Variants in ANKRD18B observed in about 807,000 individuals in gnomAD.
The protein encoded by ANKRD18B is ankyrin repeat domain 18B, also known as ankyrin repeat domain-containing protein 18B.
ANKRD18B carries 75 observed loss-of-function variants against 111.8 expected under a neutral mutation model. The observed-to-expected ratio is 0.67, with a 90% CI of 0.56 to 0.81. ANKRD18B has a LOEUF of 0.81. Ranked by LOEUF, ANKRD18B falls within the 40% of genes least tolerant of loss-of-function variation. The pLI, the probability that ANKRD18B is intolerant of heterozygous loss-of-function variation, is 0.00. For synonymous variants in ANKRD18B, 356 were observed against 417.3 expected, an observed-to-expected ratio of 0.85 and a Z score of 1.79; for missense variants, 1,038 against 1,225.5, an observed-to-expected ratio of 0.85 and a Z score of 2.28.
At chr9:33,533,161 A>G (rs1828141422) in intron 3 of ANKRD18B, among the ~76,000 whole-genome samples, 1 of 152,150 alleles carries the variant, frequency 6.6e-6, no homozygotes, top group Admixed American at 6.5e-5. Flanking sequence ...AAATAATTAC[A>G]ATGGACTGTG....
chr9:33,548,652 C>T lies in ANKRD18B; in HGVS notation c.1864C>T (p.Leu622Phe). 1 of 1,551,190 alleles carries T rather than the reference C, an allele frequency of 6.4e-7. No individual in the cohort carries two copies. Among genetic ancestry groups the T allele is most frequent in the Non-Finnish European group, 8.7e-7 (1 of 1,146,666 alleles). ...AGAGGAGAGAATACGTCAACGAGAA[C>T]TTGAAAATCTCTTGCTTGAACGACA... is the stretch of plus-strand genomic sequence containing the variant. Reference protein sequence around the residue: ...SSEERIRQRELENLLLERQLE... With the variant: ...SSEERIRQREFENLLLERQLE... The change falls in exon 11 of 19, where the codon CTT becomes TTT. Residue 622 changes from leucine (L) to phenylalanine (F), a missense_variant. Transcript: ENST00000684830.
chr9:33,565,843 A>G (rs1319022803), intron 14 of ANKRD18B, among the ~76,000 whole-genome samples: 2 of 152,188 alleles, frequency 1.3e-5, no homozygotes, highest in Non-Finnish European at 2.9e-5. Context: ...ATAACTCAAT[A>G]TGATATCTCT....
chr9:33,544,473 G>A (rs896371747), intron 10 of ANKRD18B, among the ~76,000 whole-genome samples: 1 of 152,144 alleles, frequency 6.6e-6, no homozygotes, highest in African/African-American at 2.4e-5. Flanking sequence ...GCAAAAAAAT[G>A]TCTCAAGAAC....
chr9:33,565,437 T>C (rs1828670704), intron 14 of ANKRD18B, among the ~76,000 whole-genome samples: 1 of 152,208 alleles, frequency 6.6e-6, no homozygotes, highest in Non-Finnish European at 1.5e-5. Context: ...GAAAGGCTTA[T>C]GGCATCAGAA....
intron 3 of ANKRD18B, among the ~76,000 whole-genome samples, chr9:33,530,651 G>A (rs1828100773): frequency 6.6e-6 from 1 of 152,060 alleles, no homozygotes; most frequent in South Asian, 2.1e-4. Context: ...AAAAGAGTTG[G>A]CATTTGATAG....
intron 5 of ANKRD18B, among the ~76,000 whole-genome samples, chr9:33,534,984 A>G (rs1220902191): frequency 2.6e-5 from 4 of 151,894 alleles, no homozygotes; most frequent in African/African-American, 9.7e-5. Flanking sequence ...TTTAGCAGAA[A>G]ATCTTGTATT....
At chr9:33,531,712 G>C (rs2117986163) in intron 3 of ANKRD18B, among the ~76,000 whole-genome samples, 1 of 151,128 alleles carries the variant, frequency 6.6e-6, no homozygotes, top group Non-Finnish European at 1.5e-5. Context: ...TTTCAAGACA[G>C]CATATATTGG....
rs746252733 is a variant in ANKRD18B, at chr9:33,548,314, A to T, written c.1526A>T (p.Glu509Val). ...TAINEYNEIL[E>V]RKDLELVLWR... Reference sequence around the variant, plus strand: ...ATAAATGAGTACAATGAAATTTTGGAAAGAAAAGACCTAGAACTAGTTTTA... The same window carrying T: ...ATAAATGAGTACAATGAAATTTTGGTAAGAAAAGACCTAGAACTAGTTTTA... Residue 509 changes from glutamate (E) to valine (V), a missense_variant, in exon 11 of 19, where the codon GAA becomes GTA. This residue lies in a region of ANKRD18B where 205 missense variants were observed against 201.3 expected (regional missense o/e 1.02). Coordinates refer to ENST00000684830, the MANE Select transcript of ANKRD18B (RefSeq NM_001393611.1). The T allele has an allele frequency of 1.9e-5, 29 of 1,549,648 alleles. No individual in the cohort carries two copies. The South Asian group carries it at 3.4e-4, about 18-fold the overall frequency.
rs1271057756 is a variant in ANKRD18B at position 33,524,573 on chromosome 9, C to A, written c.84C>A (p.Tyr28Ter). The A allele has an allele frequency of 1.3e-6, 2 of 1,551,492 alleles. No homozygotes were observed. The highest frequency in any genetic ancestry group is 2.4e-5 in the East Asian group (1 of 40,916). ...SMDQEYAGRG[Y>*]HIRDWELRKI... ...ACCAAGAGTATGCGGGTCGGGGGTA[C>A]CACATTCGGGACTGGGAACTGCGGA... Residue 28 changes from tyrosine (Y) to a stop codon, truncating the protein, a stop_gained, in exon 1 of 19, where the codon TAC becomes TAA. Transcript: ENST00000684830. LOFTEE classifies it high-confidence loss of function.
intron 10 of ANKRD18B, among the ~76,000 whole-genome samples, chr9:33,546,363 A>G (rs1047189582): frequency 6.6e-6 from 1 of 152,188 alleles, no homozygotes; most frequent in Admixed American, 6.6e-5. Flanking sequence ...ATACTTTCAC[A>G]TATTTAAGAA....
chr9:33,527,809 A>T (rs1163549257), intron 1 of ANKRD18B, among the ~76,000 whole-genome samples: 4 of 152,184 alleles, frequency 2.6e-5, no homozygotes, highest in African/African-American at 4.8e-5. Flanking sequence ...GGATTGTGTG[A>T]TATCCTACTA....
intron 5 of ANKRD18B, among the ~76,000 whole-genome samples, chr9:33,535,062 C>A (rs1008077173): frequency 6.6e-6 from 1 of 151,890 alleles, no homozygotes; most frequent in Non-Finnish European, 1.5e-5. Flanking sequence ...GTTCCCTAAG[C>A]CCAAGGAAGA....
Position 33,524,567 on chromosome 9 carries a change from G to T in ANKRD18B, c.78G>T (p.Arg26=). The T allele has an allele frequency of 3.2e-6, 5 of 1,551,498 alleles. No homozygotes were observed. Among genetic ancestry groups the T allele is most frequent in the Non-Finnish European group, 4.4e-6 (5 of 1,146,830 alleles). ...LSSMDQEYAG[R]GYHIRDWELR... is the part of the protein sequence containing the mutation. ...CCATGGACCAAGAGTATGCGGGTCGGGGGTACCACATTCGGGACTGGGAAC... is the reference window on the plus strand; with the variant it reads ...CCATGGACCAAGAGTATGCGGGTCGTGGGTACCACATTCGGGACTGGGAAC... Residue 26 remains arginine (R), a synonymous_variant, in exon 1 of 19, where the codon CGG becomes CGT. Coordinates refer to ENST00000684830, the MANE Select transcript of ANKRD18B (RefSeq NM_001393611.1).
rs780560837 is a variant in ANKRD18B at position 33,524,457 on chromosome 9, G to A, written c.-33G>A. ...GCCACGAGGAGCCGCGGCGTCTCAG[G>A]AGCGGGTGGTGGGCATCTGAGAAGT... On this transcript the variant is annotated 5_prime_UTR_variant, in exon 1 of 19. Transcript: ENST00000684830. 1.1e-4 allele frequency: 171 copies of A among 1,517,170 alleles called. No homozygotes were observed. The highest frequency in any genetic ancestry group is 2.2e-4 in the Admixed American group (10 of 45,306). 94.0% of individuals were successfully genotyped at this position (1,517,170 alleles called of 1,614,324 possible). A position where few individuals can be genotyped will look rare whatever the true frequency, so the allele number is the denominator to read the frequency against.
At chr9:33,574,898 T>TATA (rs1828838802), downstream of ANKRD18B, among the ~76,000 whole-genome samples, 1 of 152,140 alleles carries the variant, frequency 6.6e-6, no homozygotes, top group East Asian at 1.9e-4. Flanking sequence ...TGAGTCCCCA[T>TATA]CGCCTCTGTG....
At chr9:33,562,097 T>C (rs1214325418) in intron 14 of ANKRD18B, among the ~76,000 whole-genome samples, 2 of 152,202 alleles carry the variant, frequency 1.3e-5, no homozygotes, top group African/African-American at 2.4e-5. Context: ...CTTTCTTTTT[T>C]TCTCCATTTA....
intron 4 of ANKRD18B, chr9:33,533,881 TATC>T (rs369353255): frequency 0.056 from 5,244 of 93,734 alleles, 30 homozygotes; most frequent in African/African-American, 0.1. Context: ...CTATTACCAT[TATC>T]ATTATTATTA....
At chr9:33,537,161 A>G (rs1274011840) in intron 6 of ANKRD18B, among the ~76,000 whole-genome samples, 4 of 151,530 alleles carry the variant, frequency 2.6e-5, no homozygotes, top group African/African-American at 4.9e-5. Context: ...GCTGGGCATC[A>G]TGGTGGGCGC....
chr9:33,548,927 T>A (rs2118062153), intron 11 of ANKRD18B, 72 bp downstream of exon 11: 2 of 1,279,588 alleles, frequency 1.6e-6, no homozygotes, highest in East Asian at 5.3e-5. Context: ...ATGTTGAACG[T>A]AGTTCAATAT....
Sources: allele counts gnomAD v4.1 joint callset (sites outside exome capture counted in the v4.1 genomes callset), GRCh38; gene constraint gnomAD v4.1.1; regional missense constraint gnomAD v4.1.1; transcripts MANE v1.5; gene names NCBI Gene and HGNC (gene_info 2026-07-23, HGNC 2026-07-21).